Variants in BCAT1 observed in about 807,000 individuals in gnomAD.
BCAT1 encodes branched-chain-amino-acid aminotransferase, cytosolic.
BCAT1 carries 48 observed loss-of-function variants against 52.4 expected under a neutral mutation model. That is an observed-to-expected ratio of 0.92 (90% CI 0.73 to 1.16). The LOEUF is 1.16. Among genes scored for constraint, BCAT1 ranks in the 50% most tolerant of loss-of-function variants. The pLI is 0.00. For synonymous variants in BCAT1, 167 were observed against 161.3 expected (o/e 1.04, Z -0.27); for missense variants, 451 against 457.1 (o/e 0.99, Z 0.12).
At chr12:24,943,912 A>G (rs968723251) in intron 1 of BCAT1, among the ~76,000 whole-genome samples, 1 of 152,098 alleles carries the variant, frequency 6.6e-6, no homozygotes, top group South Asian at 2.1e-4. Context: ...TGAACCCAGG[A>G]GGCGGAGCTT....
intron 1 of BCAT1, among the ~76,000 whole-genome samples, chr12:24,905,952 G>A (rs752195271): frequency 1.3e-5 from 2 of 151,256 alleles, no homozygotes; most frequent in Non-Finnish European, 2.9e-5. Context: ...TAGAAGTGGA[G>A]AGAAACAGCC....
intron 2 of BCAT1, among the ~76,000 whole-genome samples, chr12:24,897,924 G>C (rs1376132312): frequency 6.6e-6 from 1 of 150,828 alleles, no homozygotes; most frequent in Non-Finnish European, 1.5e-5. Context: ...TTCTCTACTT[G>C]AAAAAAAAAT....
At chr12:24,926,158 C>T (rs961168154) in intron 1 of BCAT1, among the ~76,000 whole-genome samples, 62 of 151,734 alleles carry the variant, frequency 4.1e-4, no homozygotes, top group Non-Finnish European at 7.1e-4. Context: ...CGTCTCTGCC[C>T]GGCCGCCCAT....
chr12:24,834,563 A>G, intron 8 of BCAT1: 1 of 972,790 alleles, frequency 1.0e-6, no homozygotes, highest in Non-Finnish European at 1.2e-6. Flanking sequence ...TTCTTAATTT[A>G]TAAACCCACA....
intron 5 of BCAT1, among the ~76,000 whole-genome samples, chr12:24,854,906 A>T (rs1266409495): frequency 7.9e-5 from 12 of 152,154 alleles, no homozygotes. Context: ...TCCAACTGGT[A>T]TCTAGCTTTC....
intron 5 of BCAT1, among the ~76,000 whole-genome samples, chr12:24,865,748 G>T (rs1941988493): frequency 6.6e-6 from 1 of 152,022 alleles, no homozygotes; most frequent in African/African-American, 2.4e-5. Context: ...TATAACCGTT[G>T]TTATCAACAA....
intron 5 of BCAT1, among the ~76,000 whole-genome samples, chr12:24,858,772 T>C (rs1312601257): frequency 6.6e-6 from 1 of 152,160 alleles, no homozygotes. Context: ...GTAAGGAAAA[T>C]AGAATGTGTT....
intron 5 of BCAT1, among the ~76,000 whole-genome samples, chr12:24,866,166 C>T (rs900344265): frequency 1.3e-5 from 2 of 152,200 alleles, no homozygotes; most frequent in East Asian, 1.9e-4. Context: ...GCCCCACATT[C>T]GGAGCGACCG....
chr12:24,912,238 G>A (rs1681983467), intron 1 of BCAT1, among the ~76,000 whole-genome samples: 1 of 152,160 alleles, frequency 6.6e-6, no homozygotes, highest in Admixed American at 6.6e-5. Flanking sequence ...AAGAGGGCTG[G>A]GCGCAGTGGC....
chr12:24,844,137 T>G lies in BCAT1; in HGVS notation c.675-1913A>C, dbSNP rs553218008. Among the ~76,000 whole-genome samples, 7 of 152,298 alleles carry G rather than the reference T, an allele frequency of 4.6e-5. No homozygotes were observed. In the South Asian group the frequency reaches 8.3e-4, roughly 18 times the overall value. On this transcript the variant is annotated intron_variant, in intron 6 of 10. Transcript: ENST00000261192. ...TTCATAAGCCCTTGTCTGCTTAAGATCATTTCCAGGCCGGGCACGGTGGCT... is the reference window on the plus strand; with the variant it reads ...TTCATAAGCCCTTGTCTGCTTAAGAGCATTTCCAGGCCGGGCACGGTGGCT...
At chr12:24,918,625 T>C (rs1182899120) in intron 1 of BCAT1, among the ~76,000 whole-genome samples, 2 of 152,218 alleles carry the variant, frequency 1.3e-5, no homozygotes, top group Non-Finnish European at 2.9e-5. Context: ...CAAAAATACT[T>C]AATTTTAGAA....
chr12:24,942,191 T>A (rs1943860279), intron 1 of BCAT1, among the ~76,000 whole-genome samples: 1 of 152,106 alleles, frequency 6.6e-6, no homozygotes, highest in Non-Finnish European at 1.5e-5. Flanking sequence ...AACCTATAGA[T>A]TCAGAGAAGA....
intron 1 of BCAT1, among the ~76,000 whole-genome samples, chr12:24,943,853 G>A (rs533637488): frequency 6.1e-4 from 92 of 151,508 alleles, no homozygotes; most frequent in Admixed American, 2.4e-3. Flanking sequence ...GCGTGGTGGC[G>A]GGCGCCTGTA....
intron 3 of BCAT1, among the ~76,000 whole-genome samples, chr12:24,888,505 A>C (rs1942745872): frequency 6.6e-6 from 1 of 152,186 alleles, no homozygotes; most frequent in Admixed American, 6.5e-5. Context: ...TCTCAGAAAA[A>C]AAAGAAAGAA....
chr12:24,822,505 G>A (rs1039405378), intron 10 of BCAT1, among the ~76,000 whole-genome samples: 2 of 152,194 alleles, frequency 1.3e-5, no homozygotes, highest in Non-Finnish European at 2.9e-5. Context: ...AAAACATGAT[G>A]CAATTCTATG....
intron 3 of BCAT1, among the ~76,000 whole-genome samples, chr12:24,888,505 AAAAG>A (rs1337306244): frequency 7.2e-5 from 11 of 152,186 alleles, no homozygotes; most frequent in African/African-American, 1.4e-4. Flanking sequence ...TCTCAGAAAA[AAAAG>A]AAAGAAAGAA....
intron 1 of BCAT1, among the ~76,000 whole-genome samples, chr12:24,906,867 T>A (rs1591864221): frequency 6.6e-6 from 1 of 152,174 alleles, no homozygotes; most frequent in East Asian, 1.9e-4. Context: ...CGCATCCTAG[T>A]ACCAAACAGC....
rs1004821911 is a variant in BCAT1 at position 24,811,604 on chromosome 12, T to C, written c.*6404A>G. ...AGGTAGTTTCCTTTACCTACGATAT[T>C]TTCCACATTTCCATTATTACACTTT... On this transcript the variant is annotated 3_prime_UTR_variant, in exon 11 of 11. Coordinates refer to ENST00000261192, the MANE Select transcript of BCAT1 (RefSeq NM_005504.7). 4 of 152,162 alleles carry C rather than the reference T, an allele frequency of 2.6e-5. No individual in the cohort carries two copies. Among genetic ancestry groups the C allele is most frequent in the African/African-American group, 9.6e-5 (4 of 41,454 alleles). 9.4% of individuals were successfully genotyped at this position (152,162 alleles called of 1,614,324 possible). A position where few individuals can be genotyped will look rare whatever the true frequency, so the allele number is the denominator to read the frequency against.
chr12:24,896,561 G>A (rs1942964620), intron 2 of BCAT1, among the ~76,000 whole-genome samples: 1 of 152,136 alleles, frequency 6.6e-6, no homozygotes, highest in Admixed American at 6.5e-5. Context: ...CAAAGGTCAG[G>A]AGTTTGAGAT....
Sources: gnomAD v4.1 joint callset for allele counts (sites outside exome capture counted in the v4.1 genomes callset) on GRCh38, gnomAD v4.1.1 for gene constraint, MANE v1.5 for transcripts, NCBI Gene and HGNC (gene_info 2026-07-23, HGNC 2026-07-21) for gene names.